The following TBC1D1 variants were observed in gnomAD, a reference collection of about 807,000 sequenced individuals.
TBC1D1 encodes the protein TBC1 (tre-2/USP6, BUB2, cdc16) domain family, member 1.
Under a neutral mutation model 125.6 loss-of-function variants are expected in TBC1D1, and 89 were observed. The ratio of observed to expected loss-of-function variants is 0.71; its 90% CI spans 0.60 to 0.85. TBC1D1 has a LOEUF of 0.85. Among genes scored for constraint, TBC1D1 ranks in the 40% least tolerant of loss-of-function variants. TBC1D1 has a pLI of 0.00. For synonymous variants in TBC1D1, 565 were observed against 564.1 expected (o/e 1.00, Z -0.02); for missense variants, 1,377 against 1,469.2 (o/e 0.94, Z 1.03).
At chr4:38,106,627 G>A (rs1225400167) in intron 15 of TBC1D1, among the ~76,000 whole-genome samples, 2 of 152,168 alleles carry the variant, frequency 1.3e-5, no homozygotes, top group African/African-American at 4.8e-5. Flanking sequence ...CCAAGGCTGG[G>A]AGGAGGAACG....
intron 2 of TBC1D1, among the ~76,000 whole-genome samples, chr4:37,947,891 A>G (rs1727039657): frequency 6.6e-6 from 1 of 152,210 alleles, no homozygotes; most frequent in African/African-American, 2.4e-5. Context: ...ATTGTAAAAA[A>G]AAAAAAGTTA....
chr4:38,066,156 A>C (rs918843360), intron 12 of TBC1D1, among the ~76,000 whole-genome samples: 2 of 152,144 alleles, frequency 1.3e-5, no homozygotes, highest in African/African-American at 4.8e-5. Context: ...TAGTGCTTGT[A>C]CAGTAATGGG....
intron 13 of TBC1D1, 39 bp downstream of exon 15, chr4:38,090,156 A>G (rs1257219914): frequency 5.0e-6 from 8 of 1,596,380 alleles, no homozygotes; most frequent in Non-Finnish European, 6.8e-6. Context: ...GCCTGGTCTT[A>G]TCTTGGCTCT....
chr4:37,999,358 C>T (rs1396777494), intron 2 of TBC1D1, among the ~76,000 whole-genome samples: 1 of 152,132 alleles, frequency 6.6e-6, no homozygotes, highest in Non-Finnish European at 1.5e-5. Context: ...GGTGTATTTT[C>T]AAGTAAATAT....
chr4:38,033,026 G>A (rs1163033056), intron 7 of TBC1D1, among the ~76,000 whole-genome samples: 1 of 152,052 alleles, frequency 6.6e-6, no homozygotes, highest in Non-Finnish European at 1.5e-5. Context: ...AGTGACTTCT[G>A]TATGATGTTT....
intron 2 of TBC1D1, among the ~76,000 whole-genome samples, chr4:38,002,424 C>T (rs573133670): frequency 6.6e-6 from 1 of 152,304 alleles, no homozygotes; most frequent in South Asian, 2.1e-4. Context: ...GTTTCTTCTG[C>T]AAATATTTGT....
At chr4:38,054,637 C>G (rs1751348436) in intron 12 of TBC1D1, among the ~76,000 whole-genome samples, 1 of 152,148 alleles carries the variant, frequency 6.6e-6, no homozygotes, top group Non-Finnish European at 1.5e-5. Flanking sequence ...CACTTCTTGC[C>G]TCCTAGGACA....
rs1479159534 is a variant in TBC1D1 at position 37,900,122 on chromosome 4, AAAAAAAAAG to A, written c.-93-1872_-93-1864del. Among the ~76,000 whole-genome samples, 3 of 140,360 alleles carry A rather than the reference AAAAAAAAAG, an allele frequency of 2.1e-5. No homozygotes were observed. The Admixed American group carries it at 2.1e-4, about 10-fold the overall frequency. The allele number at this position is 140,360 out of a possible 152,430, so 92.1% of individuals were successfully genotyped here. On this transcript the variant is annotated intron_variant, in intron 1 of 19. Transcript: ENST00000261439. ...GGCGACAGAGCGAGGAGCCGTCTCA[AAAAAAAAAG>A]AAAAAAAAAAAAAAGTAAGGAAGGT...
At chr4:38,048,243 C>T (rs1488981808) in intron 10 of TBC1D1, among the ~76,000 whole-genome samples, 1 of 152,122 alleles carries the variant, frequency 6.6e-6, no homozygotes, top group African/African-American at 2.4e-5. Context: ...TGAAACTTGA[C>T]AAATGAAAAT....
chr4:37,897,874 G>A (rs1036439343), intron 1 of TBC1D1, among the ~76,000 whole-genome samples: 4 of 152,194 alleles, frequency 2.6e-5, no homozygotes, highest in Non-Finnish European at 5.9e-5. Context: ...AAGAGAAAGA[G>A]AGATCATTAT....
intron 8 of TBC1D1, among the ~76,000 whole-genome samples, chr4:38,041,638 A>G (rs550747784): frequency 1.3e-5 from 2 of 152,368 alleles, no homozygotes; most frequent in Non-Finnish European, 2.9e-5. Flanking sequence ...TGAATCAAAA[A>G]AAATTTGTCA....
chr4:37,945,531 A>G (rs1726518500), intron 2 of TBC1D1, among the ~76,000 whole-genome samples: 1 of 143,124 alleles, frequency 7.0e-6, no homozygotes, highest in African/African-American at 2.6e-5. Context: ...AAAAAAAAAA[A>G]AAAAAAAAAA....
chr4:38,137,477 CG>C lies in TBC1D1; in HGVS notation c.*143del. ...CGGCTTGCCAGCAAGTAGATTCTTACGAACTCCAACTTGCAATTCAGGGGGC... is the reference window on the plus strand; with the variant it reads ...CGGCTTGCCAGCAAGTAGATTCTTACAACTCCAACTTGCAATTCAGGGGGC... On this transcript the variant is annotated 3_prime_UTR_variant, in exon 20 of 20. Transcript: ENST00000261439. The C allele has an allele frequency of 8.2e-7, 1 of 1,215,836 alleles. No individual in the cohort carries two copies. The highest frequency in any genetic ancestry group is 1.1e-6 in the Non-Finnish European group (1 of 950,660). The allele number at this position is 1,215,836 out of a possible 1,614,324, so 75.3% of individuals were successfully genotyped here.
At chr4:38,105,470 G>A (rs944394812) in intron 15 of TBC1D1, among the ~76,000 whole-genome samples, 12 of 152,064 alleles carry the variant, frequency 7.9e-5, no homozygotes, top group Admixed American at 5.2e-4. Context: ...CCAGGATTGC[G>A]TATGCAGGTT....
chr4:38,054,421 C>T, intron 12 of TBC1D1, 83 bp downstream of exon 14: 2 of 1,574,848 alleles, frequency 1.3e-6, no homozygotes, highest in Non-Finnish European at 1.7e-6. Flanking sequence ...GGTAAGAAAG[C>T]AGAGCGCCGT....
intron 2 of TBC1D1, among the ~76,000 whole-genome samples, chr4:37,918,057 T>C (rs902285919): frequency 8.5e-5 from 13 of 152,322 alleles, no homozygotes; most frequent in Non-Finnish European, 1.6e-4. Flanking sequence ...TTAATTATAA[T>C]AGCATGCTTT....
intron 1 of TBC1D1, among the ~76,000 whole-genome samples, chr4:37,892,794 A>AGTTTGTCAAAAGT (rs56809372): frequency 0.042 from 6,330 of 152,196 alleles, 650 homozygotes; most frequent in East Asian, 0.4. Context: ...CATAAGGCAC[A>AGTTTGTCAAAAGT]GTTTGTCAAA....
At position 38,049,734 on chromosome 4, in the gene TBC1D1, T is replaced by A. The variant is rs2152478524; in HGVS notation, c.1746T>A (p.Ala582=). The change falls in exon 11 of 20, where the codon GCT becomes GCA. Residue 582 remains alanine, a synonymous_variant. Transcript: ENST00000261439. ...AGAGTCATCTCCCAGAAGAGCCAGC[T>A]CCGCTGTCGCCCCAGCAGGCCTTCA... 6.2e-7 allele frequency: 1 copy of A among 1,614,136 alleles called. No homozygotes were observed. Among genetic ancestry groups the A allele is most frequent in the African/African-American group, 1.3e-5 (1 of 75,020 alleles).
chr4:38,001,494 G>A (rs1312014236), intron 2 of TBC1D1, among the ~76,000 whole-genome samples: 1 of 152,184 alleles, frequency 6.6e-6, no homozygotes, highest in African/African-American at 2.4e-5. Context: ...AGGAGATATA[G>A]GTTGGGGAGT....
Sources: allele counts gnomAD v4.1 joint callset (sites outside exome capture counted in the v4.1 genomes callset), GRCh38; gene constraint gnomAD v4.1.1; transcripts MANE v1.5; gene names NCBI Gene and HGNC (gene_info 2026-07-23, HGNC 2026-07-21).